FARP2: variants seen among roughly 807,000 people sequenced by gnomAD.
FARP2 encodes the protein FERM, ARH/RhoGEF and pleckstrin domain protein 2.
A neutral mutation model predicts 130.5 loss-of-function variants in FARP2; 111 were observed. That is an observed-to-expected ratio of 0.85 (90% confidence interval 0.73 to 1.00). The LOEUF (loss-of-function observed/expected upper bound fraction) is 1.00. FARP2 is among the 50% of genes least tolerant of loss of function. FARP2 has a pLI of 0.00. For missense variants in FARP2, 1,385 were observed against 1,346.3 expected, an observed-to-expected ratio of 1.03 and a Z score of -0.45; for synonymous variants, 504 against 516.9, an observed-to-expected ratio of 0.98 and a Z score of 0.34.
At chr2:241,417,520 G>T (rs1362704046) in intron 7 of FARP2, among the ~76,000 whole-genome samples, 1 of 152,046 alleles carries the variant, frequency 6.6e-6, no homozygotes, top group African/African-American at 2.4e-5. Flanking sequence ...ACAGGGTTTC[G>T]CCATGTTGTC....
rs2062924077 is a variant in FARP2, at chr2:241,425,810, C to CA, written c.772-5867dup. Reference sequence around the variant, plus strand: ...CCCAGGCTGGAGTGCAATGTCACTGCAATGGCAGCATCTCAAACATTAAAA... The same window carrying CA: ...CCCAGGCTGGAGTGCAATGTCACTGCAAATGGCAGCATCTCAAACATTAAAA... On this transcript the variant is annotated intron_variant, in intron 8 of 26. Transcript: ENST00000264042. Among the ~76,000 whole-genome samples, 3 of 142,268 alleles carry CA rather than the reference C, an allele frequency of 2.1e-5. No homozygotes were observed. The South Asian group carries it at 6.6e-4, about 31-fold the overall frequency. The allele number at this position is 142,268 out of a possible 152,430, so 93.3% of individuals were successfully genotyped here.
At chr2:241,489,940 G>A (rs1423730651) in intron 21 of FARP2, 22 bp from the exon 22 acceptor site, 1 of 1,555,718 alleles carries the variant, frequency 6.4e-7, no homozygotes, top group East Asian at 2.2e-5. Context: ...CACAAGACTT[G>A]GACCGTTTCT....
At chr2:241,391,052 C>T (rs1386080021) in intron 2 of FARP2, among the ~76,000 whole-genome samples, 1 of 152,140 alleles carries the variant, frequency 6.6e-6, no homozygotes, top group Non-Finnish European at 1.5e-5. Context: ...CTGACAGACA[C>T]GTTTCCTTTT....
intron 2 of FARP2, among the ~76,000 whole-genome samples, chr2:241,381,656 G>C (rs3771554): frequency 6.6e-6 from 1 of 152,118 alleles, no homozygotes; most frequent in South Asian, 2.1e-4. Context: ...TCCTTTTTAG[G>C]TATAGAAAGT....
chr2:241,394,447 G>T (rs997345743), intron 2 of FARP2, among the ~76,000 whole-genome samples: 1 of 151,812 alleles, frequency 6.6e-6, no homozygotes, highest in Admixed American at 6.6e-5. Flanking sequence ...GAATCCAGGA[G>T]GCGGAGCTTG....
chr2:241,466,537 C>T lies in FARP2; in HGVS notation c.1894-1603C>T, dbSNP rs1233086125. ...AGGGACCCCAGCCCATCATGGGCAT[C>T]GGCAGGGCTTGGCCACTTCCACCTC... is the stretch of plus-strand genomic sequence containing the variant. On this transcript the variant is annotated intron_variant, in intron 17 of 26. Coordinates refer to ENST00000264042, the MANE Select transcript of FARP2 (RefSeq NM_014808.4). 1.4e-5 allele frequency: 14 copies of T among 985,322 alleles called. No homozygotes were observed. The Admixed American group carries it at 1.8e-4, about 13-fold the overall frequency. 61.0% of individuals were successfully genotyped at this position (985,322 alleles called of 1,614,324 possible).
chr2:241,393,145 G>A (rs914915996), intron 2 of FARP2, among the ~76,000 whole-genome samples: 1 of 151,664 alleles, frequency 6.6e-6, no homozygotes, highest in Middle Eastern at 3.4e-3. Flanking sequence ...TCAGCCTTCT[G>A]AGTAGCTGGG....
chr2:241,366,103 A>AT (rs57048973), intron 1 of FARP2, among the ~76,000 whole-genome samples: 1,643 of 59,968 alleles, frequency 0.027, 52 homozygotes, highest in African/African-American at 0.055. Context: ...AAAAAAAAAA[A>AT]AATATATATA....
At chr2:241,465,461 T>G in intron 17 of FARP2, 1 of 1,550,380 alleles carries the variant, frequency 6.5e-7, no homozygotes, top group Non-Finnish European at 8.7e-7. Context: ...TTCTTTCAGG[T>G]GTTCCAGCTC....
chr2:241,398,021 T>C lies in FARP2; in HGVS notation c.184-5807T>C, dbSNP rs183809957. Among the ~76,000 whole-genome samples, 774 of 151,828 alleles carry C rather than the reference T, an allele frequency of 5.1e-3. 4 individuals are homozygous for C. The highest frequency in any genetic ancestry group is 0.018 in the African/African-American group (739 of 41,402). On this transcript the variant is annotated intron_variant, in intron 2 of 26. Transcript: ENST00000264042. Reference sequence around the variant, plus strand: ...ATTTTTTTTGCATTTTTAGTAGAGATGGGGTTTCACCATGTTAGCCAGGAT... The same window carrying C: ...ATTTTTTTTGCATTTTTAGTAGAGACGGGGTTTCACCATGTTAGCCAGGAT...
At chr2:241,453,367 A>C (rs1417100490) in intron 13 of FARP2, among the ~76,000 whole-genome samples, 1 of 151,570 alleles carries the variant, frequency 6.6e-6, no homozygotes, top group Non-Finnish European at 1.5e-5. Context: ...TCATGCCTGT[A>C]ATCCCAGCAC....
chr2:241,359,183 GTAGT>G (rs1382374149), intron 1 of FARP2, among the ~76,000 whole-genome samples: 1 of 152,188 alleles, frequency 6.6e-6, no homozygotes, highest in Non-Finnish European at 1.5e-5. Context: ...GATCAGGAGG[GTAGT>G]TAGAGTGTTG....
chr2:241,416,210 C>G (rs370430084), intron 7 of FARP2, among the ~76,000 whole-genome samples: 3 of 151,890 alleles, frequency 2.0e-5, no homozygotes, highest in Non-Finnish European at 4.4e-5. Context: ...GTTCTTGTGC[C>G]TGTGTCTCTG....
Position 241,465,483 on chromosome 2 carries a change from T to C in FARP2, c.1893+1503T>C, listed in dbSNP as rs1240322447. ...AGGTGTTCCAGCTCCACGAAGGGCATGTAGCAGGGGTCACAAAAATGGAGT... is the reference window on the plus strand; with the variant it reads ...AGGTGTTCCAGCTCCACGAAGGGCACGTAGCAGGGGTCACAAAAATGGAGT... On this transcript the variant is annotated intron_variant, in intron 17 of 26. Coordinates refer to ENST00000264042, the MANE Select transcript of FARP2 (RefSeq NM_014808.4). The C allele has an allele frequency of 1.9e-6, 3 of 1,550,564 alleles. No individual in the cohort carries two copies. The Admixed American group carries it at 5.9e-5, about 30-fold the overall frequency.
intron 2 of FARP2, among the ~76,000 whole-genome samples, chr2:241,387,710 G>T (rs1225970435): frequency 8.6e-5 from 13 of 150,686 alleles, no homozygotes; most frequent in Non-Finnish European, 1.9e-4. Context: ...AGAGAATGGC[G>T]TGAACCCGGG....
intron 7 of FARP2, among the ~76,000 whole-genome samples, chr2:241,415,835 T>C (rs968840969): frequency 1.3e-5 from 2 of 152,134 alleles, no homozygotes; most frequent in African/African-American, 4.8e-5. Flanking sequence ...AGTGTGGCAG[T>C]GTATCGCCTT....
chr2:241,489,908 A>G, intron 21 of FARP2, 54 bp from the exon 22 acceptor site: 3 of 1,241,632 alleles, frequency 2.4e-6, no homozygotes, highest in Non-Finnish European at 3.6e-6. Context: ...GCTCAGGCTT[A>G]GGCTGTCAGT....
chr2:241,389,792 C>T (rs937011761), intron 2 of FARP2, among the ~76,000 whole-genome samples: 3 of 152,024 alleles, frequency 2.0e-5, no homozygotes, highest in Non-Finnish European at 4.4e-5. Context: ...ATATTTGCAG[C>T]GCTTATTCTA....
intron 19 of FARP2, chr2:241,478,574 C>A: frequency 2.0e-6 from 1 of 488,084 alleles, no homozygotes; most frequent in Non-Finnish European, 4.2e-6. Flanking sequence ...GGACAGAGAC[C>A]CCACCTATTT....
Sources: gnomAD v4.1 joint callset for allele counts (sites outside exome capture counted in the v4.1 genomes callset) on GRCh38, gnomAD v4.1.1 for gene constraint, MANE v1.5 for transcripts, NCBI Gene and HGNC (gene_info 2026-07-23, HGNC 2026-07-21) for gene names.